The following ERI3 variants were observed in gnomAD, a reference collection of about 807,000 sequenced individuals.
ERI3 encodes ERI1 exoribonuclease 3.
In ERI3, 18 loss-of-function variants were observed where a neutral mutation model predicts 44.4. The observed-to-expected ratio is 0.41, with a 90% CI of 0.28 to 0.60. ERI3 has a LOEUF of 0.60. ERI3 is among the 20% of genes least tolerant of loss of function. ERI3 has a pLI of 0.36. For missense variants in ERI3, 294 were observed against 435.5 expected (o/e 0.68, Z 2.89); for synonymous variants, 183 against 164.8 (o/e 1.11, Z -0.84).
intron 7 of ERI3, among the ~76,000 whole-genome samples, chr1:44,262,152 T>C (rs1007587929): frequency 3.3e-5 from 5 of 152,136 alleles, no homozygotes; most frequent in Non-Finnish European, 7.4e-5. Flanking sequence ...CATATTATAA[T>C]GGAGAAGTGT....
intron 3 of ERI3, among the ~76,000 whole-genome samples, chr1:44,325,171 G>C (rs1386207612): frequency 6.7e-6 from 1 of 150,160 alleles, no homozygotes; most frequent in Non-Finnish European, 1.5e-5. Context: ...TCCGCCTCCC[G>C]GGTTCAAGCA....
At chr1:44,230,800 G>A (rs1572062504) in intron 8 of ERI3, among the ~76,000 whole-genome samples, 2 of 152,058 alleles carry the variant, frequency 1.3e-5, no homozygotes, top group East Asian at 3.9e-4. Flanking sequence ...TTTGACTTTA[G>A]TACTAATGGC....
intron 7 of ERI3, among the ~76,000 whole-genome samples, chr1:44,268,675 G>A (rs185790653): frequency 6.6e-6 from 1 of 152,246 alleles, no homozygotes; most frequent in East Asian, 1.9e-4. Flanking sequence ...ACCATGGGTT[G>A]AGCCAGCACG....
At position 44,348,565 on chromosome 1, in the gene ERI3, C is replaced by T. The variant is rs573300352; in HGVS notation, c.211+4285G>A. On this transcript the variant is annotated intron_variant, in intron 2 of 8. Transcript: ENST00000372257. ...AAGCAATCCCTGGTAACCCAAGGCTCCTCAAGGAATGTCCCCAAAGAGGAA... is the reference window on the plus strand; with the variant it reads ...AAGCAATCCCTGGTAACCCAAGGCTTCTCAAGGAATGTCCCCAAAGAGGAA... Among the ~76,000 whole-genome samples the T allele has an allele frequency of 7.5e-4, 114 of 152,298 alleles. 1 individual carries two copies. The highest frequency in any genetic ancestry group is 2.5e-3 in the African/African-American group (104 of 41,554).
intron 6 of ERI3, among the ~76,000 whole-genome samples, chr1:44,287,961 T>C (rs531832262): frequency 2.0e-5 from 3 of 152,332 alleles, no homozygotes; most frequent in African/African-American, 4.8e-5. Flanking sequence ...TTCTTTTAGT[T>C]GACACAGGCC....
In ERI3 at chr1:44,252,183, G is replaced by C. The variant is rs1644694103; in HGVS notation, c.832-4145C>G. Among the ~76,000 whole-genome samples the C allele has an allele frequency of 6.6e-6, 1 of 152,246 alleles. No individual in the cohort carries two copies. Among genetic ancestry groups the C allele is most frequent in the Non-Finnish European group, 1.5e-5 (1 of 68,050 alleles). On this transcript the variant is annotated intron_variant, in intron 7 of 8. Transcript: ENST00000372257. The surrounding 1 kb of genome is among the most constrained non-coding windows in gnomAD (Gnocchi z 4.7). ...AGGGCAGGTACTGATGCGAGCCACAGGGACAGGTGGAGCTGGCTGAGGTGA... is the reference window on the plus strand; with the variant it reads ...AGGGCAGGTACTGATGCGAGCCACACGGACAGGTGGAGCTGGCTGAGGTGA...
intron 8 of ERI3, among the ~76,000 whole-genome samples, chr1:44,236,746 G>A (rs1030803599): frequency 1.2e-4 from 19 of 152,062 alleles, no homozygotes; most frequent in African/African-American, 4.6e-4. Context: ...CAAGTAGACA[G>A]GGACTCCCCC....
chr1:44,247,918 G>A (rs749808108), intron 8 of ERI3, 21 bp downstream of exon 8: 4 of 1,591,770 alleles, frequency 2.5e-6, no homozygotes, highest in Non-Finnish European at 3.4e-6. Context: ...AGCTGCCGGG[G>A]GAATATGCGA....
At chr1:44,341,987 C>A (rs1345338568) in intron 2 of ERI3, among the ~76,000 whole-genome samples, 1 of 152,200 alleles carries the variant, frequency 6.6e-6, no homozygotes, top group East Asian at 1.9e-4. Context: ...TCAGCAGTTA[C>A]TGGATTCCAC....
intron 7 of ERI3, among the ~76,000 whole-genome samples, chr1:44,278,702 T>G (rs979539193): frequency 6.6e-6 from 1 of 152,090 alleles, no homozygotes; most frequent in African/African-American, 2.4e-5. Flanking sequence ...CGGGTTCAAG[T>G]GATTCTCACA....
intron 6 of ERI3, among the ~76,000 whole-genome samples, chr1:44,286,999 A>G (rs1645406844): frequency 6.6e-6 from 1 of 152,208 alleles, no homozygotes; most frequent in African/African-American, 2.4e-5. Context: ...AAGATCAGAC[A>G]TGCTCTTTTG....
At chr1:44,284,559 C>A (rs923397575) in intron 7 of ERI3, among the ~76,000 whole-genome samples, 57 of 152,176 alleles carry the variant, frequency 3.7e-4, no homozygotes, top group Non-Finnish European at 7.8e-4. Context: ...AAGAGCCCCC[C>A]AAAATCTCCT....
intron 2 of ERI3, 89 bp downstream of exon 2, chr1:44,352,761 A>T (rs1646921364): frequency 3.5e-6 from 5 of 1,410,528 alleles, no homozygotes; most frequent in Admixed American, 2.1e-5. Context: ...AAAAAAATAC[A>T]ATCTGCATCA....
chr1:44,304,064 T>C (rs1645781848), intron 6 of ERI3, among the ~76,000 whole-genome samples: 1 of 152,056 alleles, frequency 6.6e-6, no homozygotes, highest in Non-Finnish European at 1.5e-5. Flanking sequence ...GTGGTGCCAG[T>C]CATTATTTGA....
At chr1:44,222,112 T>G (rs1643914490) in intron 8 of ERI3, among the ~76,000 whole-genome samples, 1 of 152,236 alleles carries the variant, frequency 6.6e-6, no homozygotes, top group Non-Finnish European at 1.5e-5. Flanking sequence ...AGGGTGACTT[T>G]GCCGGCACTT....
At chr1:44,242,881 C>A (rs1407392978) in intron 8 of ERI3, among the ~76,000 whole-genome samples, 1 of 152,218 alleles carries the variant, frequency 6.6e-6, no homozygotes, top group East Asian at 1.9e-4. Context: ...ACCCCCCGCA[C>A]CCCCCTCAAC....
At chr1:44,323,479 A>C (rs1406024006) in intron 3 of ERI3, among the ~76,000 whole-genome samples, 1 of 152,206 alleles carries the variant, frequency 6.6e-6, no homozygotes, top group Non-Finnish European at 1.5e-5. Context: ...TTCAGGTCAT[A>C]AATCAATACT....
At chr1:44,246,742 T>C (rs1220779412) in intron 8 of ERI3, among the ~76,000 whole-genome samples, 2 of 152,208 alleles carry the variant, frequency 1.3e-5, no homozygotes. Context: ...TCAGTCCCTG[T>C]CTCTTCCCAG....
At chr1:44,352,716 AAT>A (rs1274439437) in intron 2 of ERI3, 132 bp downstream of exon 2, 3 of 924,188 alleles carry the variant, frequency 3.2e-6, no homozygotes, top group African/African-American at 3.3e-5. Flanking sequence ...GCTACAAAAA[AAT>A]ATGATTCGTT....
Sources: allele counts gnomAD v4.1 joint callset (sites outside exome capture counted in the v4.1 genomes callset), GRCh38; gene constraint gnomAD v4.1.1; non-coding constraint Gnocchi (gnomAD v3.1); transcripts MANE v1.5; gene names NCBI Gene and HGNC (gene_info 2026-07-23, HGNC 2026-07-21).